Variants in ZDHHC18 observed in about 807,000 individuals in gnomAD.
ZDHHC18 encodes the protein palmitoyltransferase ZDHHC18.
Under a neutral mutation model 37.5 loss-of-function variants are expected in ZDHHC18, and 23 were observed. That is an observed-to-expected ratio of 0.61 (90% CI 0.44 to 0.87). ZDHHC18 has a LOEUF of 0.87. ZDHHC18 is among the 40% of genes least tolerant of loss of function. ZDHHC18 has a pLI of 0.00. For missense variants in ZDHHC18, 406 were observed against 525.6 expected (o/e 0.77, Z 2.22); for synonymous variants, 185 against 218.7 (o/e 0.85, Z 1.36).
intron 2 of ZDHHC18, among the ~76,000 whole-genome samples, chr1:26,834,610 A>G (rs2081603002): frequency 6.6e-6 from 1 of 152,172 alleles, no homozygotes; most frequent in Non-Finnish European, 1.5e-5. Flanking sequence ...TTACAAAATC[A>G]TCCTTTCTGC....
Position 26,854,141 on chromosome 1 carries a change from C to A in ZDHHC18, c.*298C>A. ...AAGTCCTTGCCTGTGCCGGGCGAGC[C>A]CTGTGTGAGTGAGGCTGTGAACTGA... On this transcript the variant is annotated 3_prime_UTR_variant, in exon 8 of 8. Coordinates refer to ENST00000374142, the MANE Select transcript of ZDHHC18 (RefSeq NM_032283.3). This position sits in a 1 kb window ranked among gnomAD's most constrained non-coding sequence, Gnocchi z 4.6. 2.8e-6 allele frequency: 1 copy of A among 358,054 alleles called. No individual in the cohort carries two copies. Among genetic ancestry groups the A allele is most frequent in the Non-Finnish European group, 5.3e-6 (1 of 190,124 alleles). The allele number at this position is 358,054 out of a possible 1,614,324, so 22.2% of individuals were successfully genotyped here.
intron 2 of ZDHHC18, among the ~76,000 whole-genome samples, chr1:26,842,096 T>C (rs1009408181): frequency 6.8e-6 from 1 of 147,468 alleles, no homozygotes; most frequent in Non-Finnish European, 1.5e-5. Context: ...ATCGCGCCAC[T>C]GCACTCCAGC....
At chr1:26,848,878 G>A (rs2081687224) in intron 3 of ZDHHC18, 121 bp downstream of exon 3, 1 of 1,405,776 alleles carries the variant, frequency 7.1e-7, no homozygotes, top group Non-Finnish European at 9.6e-7. Flanking sequence ...GGCTGGGCAG[G>A]GGGTCTGGTT....
intron 3 of ZDHHC18, 21 bp downstream of exon 3, chr1:26,848,778 A>G: frequency 6.3e-7 from 1 of 1,599,156 alleles, no homozygotes; most frequent in Non-Finnish European, 8.6e-7. Context: ...GGCAGCAGGG[A>G]GGGATGCAGG....
chr1:26,844,219 TG>T (rs1014827904), intron 2 of ZDHHC18, among the ~76,000 whole-genome samples: 39 of 152,098 alleles, frequency 2.6e-4, no homozygotes, highest in African/African-American at 9.2e-4. Flanking sequence ...TTTGTATTTT[TG>T]TAGAGATGGG....
At chr1:26,849,316 G>A (rs1236627739) in intron 3 of ZDHHC18, among the ~76,000 whole-genome samples, 2 of 152,186 alleles carry the variant, frequency 1.3e-5, no homozygotes, top group African/African-American at 4.8e-5. Flanking sequence ...GCTCTCCAGA[G>A]GCTGTGTAGT....
chr1:26,835,763 T>A (rs997015598), intron 2 of ZDHHC18, among the ~76,000 whole-genome samples: 2 of 152,170 alleles, frequency 1.3e-5, no homozygotes, highest in Admixed American at 6.5e-5. Context: ...TCACTGAACC[T>A]TTTCCAGAAG....
At position 26,850,563 on chromosome 1, in the gene ZDHHC18, C is replaced by A; in HGVS notation, c.790C>A (p.Gln264Lys). Residue 264 changes from glutamine to lysine, a missense_variant, in exon 5 of 8, where the codon CAG (glutamine) becomes AAG (lysine). Transcript: ENST00000374142. The surrounding 1 kb of genome is among the most constrained non-coding windows in gnomAD (Gnocchi z 6.1). ...TCCTGTTTCTTTCTCCCCAGGCGCTCAGGGAAGCAACTTCCTCTCCACTCT... is the reference window on the plus strand; with the variant it reads ...TCCTGTTTCTTTCTCCCCAGGCGCTAAGGGAAGCAACTTCCTCTCCACTCT... ...CVVTHLTLRA[Q>K]GSNFLSTLKE... 2 of 1,614,164 alleles carry A rather than the reference C, an allele frequency of 1.2e-6. No individual in the cohort carries two copies. Among genetic ancestry groups the A allele is most frequent in the Non-Finnish European group, 1.7e-6 (2 of 1,180,036 alleles).
intron 2 of ZDHHC18, among the ~76,000 whole-genome samples, chr1:26,838,569 A>G (rs540862141): frequency 1.3e-5 from 2 of 152,292 alleles, no homozygotes; most frequent in East Asian, 3.9e-4. Flanking sequence ...TCTTGATATT[A>G]TGTTATTTCT....
Position 26,846,239 on chromosome 1 carries a change from G to A in ZDHHC18, c.497-2369G>A, listed in dbSNP as rs1570673118. On this transcript the variant is annotated intron_variant, in intron 2 of 7. Transcript: ENST00000374142. Reference sequence around the variant, plus strand: ...ACATATATATGTGTATATAGAGAGAGAGATATATAGATATATATCTCTATA... The same window carrying A: ...ACATATATATGTGTATATAGAGAGAAAGATATATAGATATATATCTCTATA... 2.4e-4 allele frequency among the ~76,000 whole-genome samples: 4 copies of A among 16,994 alleles called. No homozygotes were observed. In the Admixed American group the frequency reaches 2.9e-3, roughly 12 times the overall value. The allele number at this position is 16,994 out of a possible 152,430, so 11.1% of individuals were successfully genotyped here. A position where few individuals can be genotyped will look rare whatever the true frequency, so the allele number is the denominator to read the frequency against.
At chr1:26,842,575 C>G (rs1447456299) in intron 2 of ZDHHC18, among the ~76,000 whole-genome samples, 1 of 152,264 alleles carries the variant, frequency 6.6e-6, no homozygotes, top group Non-Finnish European at 1.5e-5. Flanking sequence ...TGACTTCAGC[C>G]TTACACACAA....
rs921590408 is a variant in ZDHHC18, at chr1:26,827,093, A to C, written c.289A>C (p.Thr97Pro). Residue 97 changes from threonine to proline, a missense_variant, in exon 1 of 8, where the codon ACG (threonine) becomes CCG (proline). Physicochemically the swap from Thr to Pro is conservative, Grantham distance 38. Transcript: ENST00000374142. ...CGGCCACGGCGGCGTCTTCGCGCTC[A>C]CGCTGCTGCTCATCCTCACCACCAC... The part of the protein sequence containing the change: ...LAGHGGVFAL[T>P]LLLILTTTGL... 2 of 1,400,704 alleles carry C rather than the reference A, an allele frequency of 1.4e-6. No individual in the cohort carries two copies. The highest frequency in any genetic ancestry group is 6.1e-5 in the Admixed American group (2 of 32,590). 86.8% of individuals were successfully genotyped at this position (1,400,704 alleles called of 1,614,324 possible).
At position 26,826,717 on chromosome 1, in the gene ZDHHC18, C is replaced by T. The variant is rs2081557981; in HGVS notation, c.-88C>T. 11 of 623,836 alleles carry T rather than the reference C, an allele frequency of 1.8e-5. No homozygotes were observed. Among genetic ancestry groups the T allele is most frequent in the Non-Finnish European group, 2.2e-5 (11 of 501,842 alleles). The allele number at this position is 623,836 out of a possible 1,614,324, so 38.6% of individuals were successfully genotyped here. A position where few individuals can be genotyped will look rare whatever the true frequency, so the allele number is the denominator to read the frequency against. ...AGTGAGCGAGCGAGCGCCGCGCGCG[C>T]CGCCGCTGCCACCTCCGCTGCTCGG... On this transcript the variant is annotated 5_prime_UTR_variant, in exon 1 of 8. Coordinates refer to ENST00000374142, the MANE Select transcript of ZDHHC18 (RefSeq NM_032283.3). The surrounding 1 kb of genome is among the most constrained non-coding windows in gnomAD (Gnocchi z 5.2).
intron 2 of ZDHHC18, among the ~76,000 whole-genome samples, chr1:26,842,882 A>T (rs2081645646): frequency 6.6e-6 from 1 of 152,266 alleles, no homozygotes; most frequent in Admixed American, 6.5e-5. Flanking sequence ...TGGAGACATT[A>T]TCTGGCAAAC....
At position 26,852,775 on chromosome 1, in the gene ZDHHC18, A is replaced by G. The variant is rs2081712633; in HGVS notation, c.959A>G (p.Lys320Arg). 4 of 1,613,968 alleles carry G rather than the reference A, an allele frequency of 2.5e-6. No homozygotes were observed. The African/African-American group carries it at 5.3e-5, about 22-fold the overall frequency. Residue 320 changes from lysine to arginine, a missense_variant, in exon 7 of 8, where the codon AAG becomes AGG. Coordinates refer to ENST00000374142, the MANE Select transcript of ZDHHC18 (RefSeq NM_032283.3). ...CAGATCAAAGGCTCGTGGTCCAGCA[A>G]GAGGGGCGGTGAGGCCTCTGTCAAC... ...NEDIKGSWSS[K>R]RGGEASVNPY...
chr1:26,841,780 C>T (rs944616642), intron 2 of ZDHHC18, among the ~76,000 whole-genome samples: 2 of 152,138 alleles, frequency 1.3e-5, no homozygotes, highest in African/African-American at 4.8e-5. Flanking sequence ...GGAAGCATCT[C>T]ATTCAGCCCT....
intron 3 of ZDHHC18, among the ~76,000 whole-genome samples, chr1:26,849,580 G>T (rs1394331754): frequency 6.6e-6 from 1 of 152,266 alleles, no homozygotes; most frequent in East Asian, 1.9e-4. Context: ...GCCTTGGCAT[G>T]AGGCCTGCAA....
Position 26,853,710 on chromosome 1 carries a change from C to T in ZDHHC18, c.1050-16C>T. On this transcript the variant is annotated splice_polypyrimidine_tract_variant and intron_variant, in intron 7 of 7. Coordinates refer to ENST00000374142, the MANE Select transcript of ZDHHC18 (RefSeq NM_032283.3). ...GTTGGGCAGAGCCCTCATGTGTCTC[C>T]CTTGTGTTTTGGAAGCCTAATTGAC... 4.3e-6 allele frequency: 7 copies of T among 1,612,738 alleles called. No homozygotes were observed. Among genetic ancestry groups the T allele is most frequent in the Non-Finnish European group, 5.9e-6 (7 of 1,178,912 alleles).
At chr1:26,836,292 G>A (rs1476211495) in intron 2 of ZDHHC18, among the ~76,000 whole-genome samples, 1 of 152,140 alleles carries the variant, frequency 6.6e-6, no homozygotes, top group African/African-American at 2.4e-5. Flanking sequence ...TCTCCAGGAC[G>A]TCTCTGCCCA....
Sources: gnomAD v4.1 joint callset for allele counts (sites outside exome capture counted in the v4.1 genomes callset) on GRCh38, gnomAD v4.1.1 for gene constraint, Gnocchi (gnomAD v3.1) non-coding constraint, MANE v1.5 for transcripts, NCBI Gene and HGNC (gene_info 2026-07-23, HGNC 2026-07-21) for gene names.